UGT2B7: variants seen among roughly 807,000 people sequenced by gnomAD.
UGT2B7 encodes UDP glucuronosyltransferase family 2 member B7.
UGT2B7 carries 51 observed loss-of-function variants against 51.9 expected under a neutral mutation model. The observed-to-expected ratio is 0.98, with a 90% confidence interval of 0.78 to 1.24. The LOEUF is 1.24. Among genes scored for constraint, UGT2B7 ranks in the 50% most tolerant of loss-of-function variants. The probability of loss-of-function intolerance (pLI) is 0.00; values close to 1 mark genes in which losing one functional copy is unlikely to be tolerated. For missense variants in UGT2B7, 727 were observed against 628.4 expected, an observed-to-expected ratio of 1.16 and a Z score of -1.68; for synonymous variants, 225 against 211.6, an observed-to-expected ratio of 1.06 and a Z score of -0.55.
chr4:69,107,051 T>C, intron 3 of UGT2B7, 124 bp from the exon 4 acceptor site: 1 of 1,051,326 alleles, frequency 9.5e-7, no homozygotes, highest in Non-Finnish European at 1.3e-6. Context: ...CTATTTACAT[T>C]AGTCTTTGAG....
chr4:69,088,569 C>T (rs989189028), intron 1 of UGT2B7, among the ~76,000 whole-genome samples: 2 of 152,056 alleles, frequency 1.3e-5, no homozygotes, highest in South Asian at 2.1e-4. Context: ...AGAAAAGCTC[C>T]GTATGAGTAT....
At chr4:69,093,469 G>C (rs555518016), upstream of UGT2B7, among the ~76,000 whole-genome samples, 4 of 152,300 alleles carry the variant, frequency 2.6e-5, no homozygotes, top group South Asian at 6.2e-4. Context: ...GGGGCCCGCA[G>C]ACTGTCACTG....
intron 4 of UGT2B7, 142 bp from the exon 5 acceptor site, chr4:69,107,961 G>C (rs746543685): frequency 1.3e-5 from 13 of 1,020,824 alleles, no homozygotes; most frequent in Non-Finnish European, 1.9e-5. Flanking sequence ...GTACAAGTAC[G>C]TGTTTTTTCC....
rs553742803 is a variant in UGT2B7 at position 69,078,982 on chromosome 4, T to C, written c.-158-10490T>C. Among the ~76,000 whole-genome samples the C allele has an allele frequency of 2.0e-5, 3 of 152,186 alleles. No homozygotes were observed. The South Asian group carries it at 6.2e-4, about 32-fold the overall frequency. On this transcript the variant is annotated intron_variant, in intron 1 of 5. Coordinates refer to the UGT2B7 transcript ENST00000502942. ...CTCACACAAAGCAAGACTACTGGGCTGGAAGCTCTAGGAGGTATTACCTGC... is the reference window on the plus strand; with the variant it reads ...CTCACACAAAGCAAGACTACTGGGCCGGAAGCTCTAGGAGGTATTACCTGC...
intron 1 of UGT2B7, among the ~76,000 whole-genome samples, chr4:69,056,371 G>T (rs560311324): frequency 1.3e-4 from 20 of 152,266 alleles, no homozygotes; most frequent in African/African-American, 4.8e-4. Flanking sequence ...GTTCTTGCCC[G>T]TCAAGAGACT....
At chr4:69,072,120 T>C (rs1384459760) in intron 1 of UGT2B7, among the ~76,000 whole-genome samples, 1 of 152,216 alleles carries the variant, frequency 6.6e-6, no homozygotes, top group Non-Finnish European at 1.5e-5. Context: ...GTTAGGAAAG[T>C]ATGTGAATAT....
At chr4:69,106,868 TTTC>T (rs935366800) in intron 3 of UGT2B7, among the ~76,000 whole-genome samples, 1 of 151,956 alleles carries the variant, frequency 6.6e-6, no homozygotes, top group African/African-American at 2.4e-5. Context: ...TCTTTTTTTT[TTTC>T]ATATGATGGT....
chr4:69,073,711 A>G (rs533799881), intron 1 of UGT2B7, among the ~76,000 whole-genome samples: 165 of 148,326 alleles, frequency 1.1e-3, no homozygotes, highest in African/African-American at 4.0e-3. Flanking sequence ...ATGAGTAGCT[A>G]AGATCAAGAA....
At chr4:69,097,273 C>T (rs1398296879) in intron 1 of UGT2B7, 32 bp downstream of exon 1, 1 of 1,586,950 alleles carries the variant, frequency 6.3e-7, no homozygotes, top group Non-Finnish European at 8.5e-7. Flanking sequence ...TAACATGAAG[C>T]TCTAACTTAT....
intron 1 of UGT2B7, among the ~76,000 whole-genome samples, chr4:69,074,449 T>TATATATATA (rs1560502387): frequency 2.0e-5 from 3 of 146,460 alleles, no homozygotes; most frequent in African/African-American, 7.8e-5. Flanking sequence ...TATATATAAA[T>TATATATATA]TAAAAATCAA....
At chr4:69,088,403 T>C (rs1018086504) in intron 1 of UGT2B7, among the ~76,000 whole-genome samples, 1 of 152,036 alleles carries the variant, frequency 6.6e-6, no homozygotes, top group African/African-American at 2.4e-5. Context: ...TTAAAATAGG[T>C]GTGCACTGAA....
intron 1 of UGT2B7, among the ~76,000 whole-genome samples, chr4:69,089,288 A>G (rs1482774535): frequency 1.3e-5 from 2 of 152,170 alleles, no homozygotes; most frequent in Non-Finnish European, 2.9e-5. Flanking sequence ...CATAATTACT[A>G]TGTATTGAAG....
chr4:69,069,348 T>C (rs2109867533), intron 1 of UGT2B7, among the ~76,000 whole-genome samples: 1 of 152,148 alleles, frequency 6.6e-6, no homozygotes, highest in East Asian at 1.9e-4. Context: ...CCTGGATAAT[T>C]CAATCTCTGT....
intron 3 of UGT2B7, 106 bp from the exon 4 acceptor site, chr4:69,107,069 T>C: frequency 1.6e-6 from 2 of 1,259,854 alleles, no homozygotes; most frequent in Non-Finnish European, 2.2e-6. Context: ...GAGTAGTTCT[T>C]ATTTACTAAC....
Position 69,098,702 on chromosome 4 carries a change from T to C in UGT2B7, c.870+14T>C. The C allele has an allele frequency of 6.2e-7, 1 of 1,604,378 alleles. No individual in the cohort carries two copies. The highest frequency in any genetic ancestry group is 2.2e-5 in the East Asian group (1 of 44,772). Reference sequence around the variant, plus strand: ...CCCCTGCCTAAGGTAAACATACTTTTGTTGGTTTTATTTTGTTGGCTTTGA... The same window carrying C: ...CCCCTGCCTAAGGTAAACATACTTTCGTTGGTTTTATTTTGTTGGCTTTGA... On this transcript the variant is annotated intron_variant, in intron 2 of 5. Coordinates refer to ENST00000305231, the MANE Select transcript of UGT2B7 (RefSeq NM_001074.4).
At chr4:69,086,401 C>A (rs944304176) in intron 1 of UGT2B7, among the ~76,000 whole-genome samples, 2 of 151,782 alleles carry the variant, frequency 1.3e-5, no homozygotes, top group African/African-American at 4.8e-5. Context: ...AAAATATGGT[C>A]TATTCTAGAA....
intron 1 of UGT2B7, among the ~76,000 whole-genome samples, chr4:69,065,983 TA>T (rs1261486101): frequency 7.2e-5 from 11 of 152,164 alleles, no homozygotes; most frequent in Non-Finnish European, 1.2e-4. Flanking sequence ...AACTTGACAA[TA>T]TAAAAATTAG....
chr4:69,101,072 T>C (rs1397261853), intron 2 of UGT2B7, among the ~76,000 whole-genome samples: 1 of 152,090 alleles, frequency 6.6e-6, no homozygotes, highest in Non-Finnish European at 1.5e-5. Flanking sequence ...ACTTATACTA[T>C]GTGCATACAA....
In UGT2B7 at chr4:69,096,961, C is replaced by T. The variant is rs1220393969; in HGVS notation, c.441C>T (p.Val147=). 1 of 1,613,538 alleles carries T rather than the reference C, an allele frequency of 6.2e-7. No homozygotes were observed. Among genetic ancestry groups the T allele is most frequent in the Non-Finnish European group, 8.5e-7 (1 of 1,179,764 alleles). ...MKKVQESRFD[V]IFADAIFPCS... is the part of the protein sequence containing the mutation. ...AAGTACAAGAGTCAAGATTTGACGT[C>T]ATTTTTGCAGATGCTATTTTTCCCT... is the stretch of plus-strand genomic sequence containing the variant. The change falls in exon 1 of 6, where the codon GTC becomes GTT. Residue 147 remains valine, a synonymous_variant. Transcript: ENST00000305231.
Sources: gnomAD v4.1 joint callset for allele counts (sites outside exome capture counted in the v4.1 genomes callset) on GRCh38, gnomAD v4.1.1 for gene constraint, MANE v1.5 for transcripts, NCBI Gene and HGNC (gene_info 2026-07-23, HGNC 2026-07-21) for gene names.